Variants in LOC400499 observed in about 807,000 individuals in gnomAD.
the LOC400499 span, among the ~76,000 whole-genome samples, chr16:11,438,424 C>T: frequency 5.3e-5 from 8 of 152,064 alleles, no homozygotes; most frequent in African/African-American, 1.9e-4. Context: ...TCTCGGGCTC[C>T]ATTCAAGTTT....
chr16:11,516,541 T>C, the LOC400499 span, among the ~76,000 whole-genome samples: 1 of 152,110 alleles, frequency 6.6e-6, no homozygotes, highest in Non-Finnish European at 1.5e-5. Flanking sequence ...AATGGACAGG[T>C]GTGTGAGACA....
chr16:11,434,038 G>A, the LOC400499 span, among the ~76,000 whole-genome samples: 1 of 152,308 alleles, frequency 6.6e-6, no homozygotes, highest in South Asian at 2.1e-4. Context: ...GGCAGGGGAA[G>A]GCTCAGAAGC....
At chr16:11,490,379 G>A in the LOC400499 span, among the ~76,000 whole-genome samples, 1 of 137,374 alleles carries the variant, frequency 7.3e-6, no homozygotes, top group Non-Finnish European at 1.5e-5. Flanking sequence ...CTGGGCAACA[G>A]AGTGAGACTC....
the LOC400499 span, among the ~76,000 whole-genome samples, chr16:11,470,072 T>TTTG: frequency 6.6e-6 from 1 of 152,146 alleles, no homozygotes; most frequent in Non-Finnish European, 1.5e-5. Context: ...CCAGTTTTTT[T>TTTG]TTGTTGTTGT....
chr16:11,481,872 T>C, the LOC400499 span, among the ~76,000 whole-genome samples: 1 of 150,846 alleles, frequency 6.6e-6, no homozygotes. Flanking sequence ...TGAGCTCAAG[T>C]TATCCACCTA....
chr16:11,474,445 A>G, the LOC400499 span, among the ~76,000 whole-genome samples: 874 of 152,246 alleles, frequency 5.7e-3, 12 homozygotes, highest in African/African-American at 0.02. Context: ...GTTGCTTCCT[A>G]TTTTTTGTTC....
At chr16:11,393,164 C>T in the LOC400499 span, among the ~76,000 whole-genome samples, 820 of 115,114 alleles carry the variant, frequency 7.1e-3, 16 homozygotes, top group African/African-American at 0.011. Flanking sequence ...ACCCCCCCCC[C>T]TTTTTTTTAA....
chr16:11,412,116 C>T, the LOC400499 span, among the ~76,000 whole-genome samples: 1 of 152,120 alleles, frequency 6.6e-6, no homozygotes, highest in Non-Finnish European at 1.5e-5. Context: ...CCTCCCACCT[C>T]GACCTCCCAA....
At chr16:11,469,360 AG>A in the LOC400499 span, 4 of 399,044 alleles carry the variant, frequency 1.0e-5, no homozygotes, top group East Asian at 1.4e-4. Context: ...TCTGAGCCTA[AG>A]ATGTAGCACC....
At chr16:11,406,739 G>A in the LOC400499 span, among the ~76,000 whole-genome samples, 10 of 152,282 alleles carry the variant, frequency 6.6e-5, 1 homozygote, top group East Asian at 5.8e-4. Context: ...GCCTTCCCCC[G>A]GATTTTCAAA....
At chr16:11,406,312 C>T in the LOC400499 span, among the ~76,000 whole-genome samples, 2 of 152,212 alleles carry the variant, frequency 1.3e-5, no homozygotes, top group African/African-American at 2.4e-5. Context: ...AGGATAATTG[C>T]ATCCCTGCTG....
the LOC400499 span, among the ~76,000 whole-genome samples, chr16:11,454,126 AT>A: frequency 1.6e-4 from 25 of 152,378 alleles, no homozygotes; most frequent in African/African-American, 5.8e-4. Context: ...CATACAAAAG[AT>A]GATAAATCAG....
the LOC400499 span, among the ~76,000 whole-genome samples, chr16:11,395,230 G>C: frequency 3.9e-5 from 6 of 152,296 alleles, no homozygotes; most frequent in African/African-American, 9.6e-5. Flanking sequence ...TGACCTCCCT[G>C]AATCTGTCCC....
the LOC400499 span, chr16:11,440,858 A>G: frequency 1.3e-5 from 5 of 398,942 alleles, no homozygotes; most frequent in Non-Finnish European, 2.2e-5. Flanking sequence ...GAAGAAATAG[A>G]CAACACCCTT....
chr16:11,376,481 C>G, the LOC400499 span, among the ~76,000 whole-genome samples: 6 of 152,080 alleles, frequency 3.9e-5, no homozygotes, highest in East Asian at 9.6e-4. Flanking sequence ...TCTTGGCATC[C>G]TTATTGAAAT....
chr16:11,450,685 C>T, the LOC400499 span: 1 of 1,536,200 alleles, frequency 6.5e-7, no homozygotes, highest in South Asian at 1.2e-5. Context: ...GCAGCCCACG[C>T]TGACCACCAG....
At chr16:11,435,707 G>C in the LOC400499 span, 1 of 399,114 alleles carries the variant, frequency 2.5e-6, no homozygotes, top group African/African-American at 2.1e-5. Flanking sequence ...AACAGCCCTG[G>C]GGGCACTGAG....
chr16:11,489,544 C>T, the LOC400499 span, among the ~76,000 whole-genome samples: 1 of 152,194 alleles, frequency 6.6e-6, no homozygotes, highest in South Asian at 2.1e-4. Context: ...AACCCTCCCC[C>T]CATTGTCTCA....
At chr16:11,476,739 C>T in the LOC400499 span, 1 of 399,486 alleles carries the variant, frequency 2.5e-6, no homozygotes, top group African/African-American at 2.1e-5. Flanking sequence ...TCATGGTTCC[C>T]TTCCTGCCGG....
Sources: allele counts gnomAD v4.1 joint callset (sites outside exome capture counted in the v4.1 genomes callset), GRCh38; gene constraint gnomAD v4.1.1; transcripts MANE v1.5.